The following KMT5A variants were observed in gnomAD, a reference collection of about 807,000 sequenced individuals.
The protein encoded by KMT5A is N-lysine methyltransferase KMT5A.
Under a neutral mutation model 40.6 loss-of-function variants are expected in KMT5A, and 6 were observed. The observed-to-expected ratio is 0.15, with a 90% confidence interval of 0.08 to 0.29. The LOEUF is 0.29. Among genes scored for constraint, KMT5A ranks in the 10% least tolerant of loss-of-function variants. The probability of loss-of-function intolerance (pLI) is 1.00; values close to 1 mark genes in which losing one functional copy is unlikely to be tolerated. For missense variants in KMT5A, 308 were observed against 459.1 expected, an observed-to-expected ratio of 0.67 and a Z score of 3.01; for synonymous variants, 153 against 178.8, an observed-to-expected ratio of 0.86 and a Z score of 1.15.
intron 5 of KMT5A, among the ~76,000 whole-genome samples, chr12:123,396,894 AC>A (rs1425503428): frequency 1.3e-5 from 2 of 152,142 alleles, no homozygotes; most frequent in African/African-American, 2.4e-5. Context: ...CCAGTCACTT[AC>A]CCTGTCCATG....
intron 5 of KMT5A, among the ~76,000 whole-genome samples, chr12:123,400,856 C>G (rs1283869487): frequency 1.3e-5 from 2 of 151,900 alleles, no homozygotes; most frequent in East Asian, 3.9e-4. Context: ...ACTCTGTTGC[C>G]CAGGCTGGAG....
rs1248438639 is a variant in KMT5A at position 123,390,659 on chromosome 12, C to A, written c.162C>A (p.Ile54=). The part of the protein sequence containing the change: ...GENVFTGQSK[I]YSYMSPNKCS... ...ACGTATTTACCGGGCAGTCAAAGAT[C>A]TATTCCTACATGAGCCCGAACAAAT... The change falls in exon 3 of 8, where the codon ATC becomes ATA. Residue 54 remains isoleucine (I), a synonymous_variant. Coordinates refer to ENST00000402868, the MANE Select transcript of KMT5A (RefSeq NM_020382.7). The A allele has an allele frequency of 6.2e-7, 1 of 1,613,944 alleles. No individual in the cohort carries two copies. The highest frequency in any genetic ancestry group is 1.1e-5 in the South Asian group (1 of 91,074).
At position 123,407,964 on chromosome 12, in the gene KMT5A, A is replaced by G. The variant is rs1566084859; in HGVS notation, c.*261A>G. On this transcript the variant is annotated 3_prime_UTR_variant, in exon 8 of 8. Transcript: ENST00000402868. ...TTGTACTTTTTTTGCATACAAGCCG[A>G]ACGTTTGTGCTTCCCGTGCATGCAG... is the stretch of plus-strand genomic sequence containing the variant. The G allele has an allele frequency of 4.5e-6, 2 of 441,646 alleles. No individual in the cohort carries two copies. The highest frequency in any genetic ancestry group is 2.6e-5 in the South Asian group (1 of 38,970). The allele number at this position is 441,646 out of a possible 1,614,324, so 27.4% of individuals were successfully genotyped here. A position where few individuals can be genotyped will look rare whatever the true frequency, so the allele number is the denominator to read the frequency against.
Position 123,396,328 on chromosome 12 carries a change from C to T in KMT5A, c.510-17C>T. 1.2e-6 allele frequency: 2 copies of T among 1,611,620 alleles called. No homozygotes were observed. Among genetic ancestry groups the T allele is most frequent in the Non-Finnish European group, 8.5e-7 (1 of 1,179,346 alleles). On this transcript the variant is annotated splice_polypyrimidine_tract_variant and intron_variant, in intron 4 of 7. Transcript: ENST00000402868. ...TCAGTCCTGATATTTATTTTCTCCT[C>T]TTCCCCTCTTACCCAGAGCTCAAGG...
rs1462202986 is a variant in KMT5A at position 123,391,106 on chromosome 12, G to A, written c.289+320G>A. 1.6e-5 allele frequency: 5 copies of A among 314,710 alleles called. No individual in the cohort carries two copies. The East Asian group carries it at 3.5e-4, about 22-fold the overall frequency. The allele number at this position is 314,710 out of a possible 1,614,324, so 19.5% of individuals were successfully genotyped here. A position where few individuals can be genotyped will look rare whatever the true frequency, so the allele number is the denominator to read the frequency against. On this transcript the variant is annotated intron_variant, in intron 3 of 7. Transcript: ENST00000402868. Reference sequence around the variant, plus strand: ...GAAAGTGCAGAAGTCATGAATTCAGGTTGTACAGACCAGGCAATTGCAGAC... The same window carrying A: ...GAAAGTGCAGAAGTCATGAATTCAGATTGTACAGACCAGGCAATTGCAGAC...
At chr12:123,397,216 A>G (rs1877797176) in intron 5 of KMT5A, among the ~76,000 whole-genome samples, 1 of 152,170 alleles carries the variant, frequency 6.6e-6, no homozygotes, top group Non-Finnish European at 1.5e-5. Flanking sequence ...GGCAGTCAAT[A>G]TTTGCTGCAG....
rs564974814 is a variant in KMT5A, at chr12:123,397,080, G to A, written c.597+648G>A. 5.3e-5 allele frequency among the ~76,000 whole-genome samples: 8 copies of A among 152,348 alleles called. No homozygotes were observed. In the South Asian group the frequency reaches 6.2e-4, roughly 12 times the overall value. ...CTGCTTCCTCAGTGTTGTCACTCCC[G>A]TCTGCTCTTTCCCACGCTGCTGCCA... On this transcript the variant is annotated intron_variant, in intron 5 of 7. Transcript: ENST00000402868.
chr12:123,393,689 A>G (rs1280535124), intron 3 of KMT5A, among the ~76,000 whole-genome samples: 1 of 151,776 alleles, frequency 6.6e-6, no homozygotes, highest in Non-Finnish European at 1.5e-5. Context: ...ATAGGCGCAC[A>G]CCACCACGCC....
chr12:123,397,598 A>G (rs939061999), intron 5 of KMT5A, among the ~76,000 whole-genome samples: 2 of 151,780 alleles, frequency 1.3e-5, no homozygotes, highest in Admixed American at 6.6e-5. Flanking sequence ...GAAAAAGGCA[A>G]TGTCTTTCAG....
At chr12:123,407,457 T>G (rs377097130) in intron 7 of KMT5A, 36 bp from the exon 8 acceptor site, 19 of 1,601,254 alleles carry the variant, frequency 1.2e-5, no homozygotes, top group Non-Finnish European at 1.6e-5. Context: ...AGCCTCTTTA[T>G]CCATTTAATC....
intron 5 of KMT5A, among the ~76,000 whole-genome samples, chr12:123,398,273 C>T (rs1877888610): frequency 1.3e-5 from 2 of 151,190 alleles, no homozygotes; most frequent in African/African-American, 4.9e-5. Flanking sequence ...CTGAGCAAGA[C>T]TCCGTCTCAA....
At chr12:123,390,565 T>C (rs550573271) in intron 2 of KMT5A, 65 bp from the exon 3 acceptor site, 2 of 1,561,902 alleles carry the variant, frequency 1.3e-6, no homozygotes, top group Admixed American at 1.9e-5. Flanking sequence ...GTATTCCTCC[T>C]CCTCGTGAAT....
chr12:123,390,822 T>G (rs758323507), intron 3 of KMT5A, 36 bp downstream of exon 3: 2 of 1,607,732 alleles, frequency 1.2e-6, no homozygotes, highest in South Asian at 1.1e-5. Flanking sequence ...TGATCCCAGC[T>G]GGTCGGGTTG....
At chr12:123,405,475 G>A (rs1878466561) in intron 7 of KMT5A, among the ~76,000 whole-genome samples, 2 of 117,190 alleles carry the variant, frequency 1.7e-5, no homozygotes, top group South Asian at 5.4e-4. Flanking sequence ...TCGGGCTGTT[G>A]TTGCCTTTTT....
At position 123,384,523 on chromosome 12, in the gene KMT5A, C is replaced by G. The variant is rs981336800; in HGVS notation, c.10+315C>G. Reference sequence around the variant, plus strand: ...CTTTGGAAACTAAAGCGCAGGGCACCTCCAGGGAATAGGTGTTATTGATAG... The same window carrying G: ...CTTTGGAAACTAAAGCGCAGGGCACGTCCAGGGAATAGGTGTTATTGATAG... On this transcript the variant is annotated intron_variant, in intron 1 of 7. Coordinates refer to ENST00000402868, the MANE Select transcript of KMT5A (RefSeq NM_020382.7). The surrounding 1 kb of genome is among the most constrained non-coding windows in gnomAD (Gnocchi z 5.7). 3.3e-5 allele frequency among the ~76,000 whole-genome samples: 5 copies of G among 152,280 alleles called. No homozygotes were observed. Among genetic ancestry groups the G allele is most frequent in the Non-Finnish European group, 7.3e-5 (5 of 68,046 alleles).
chr12:123,390,932 A>T lies in KMT5A; in HGVS notation c.289+146A>T, dbSNP rs1041714777. On this transcript the variant is annotated intron_variant, in intron 3 of 7. Transcript: ENST00000402868. ...GAGCCATGTTCTGTCTTGCTGCTGA[A>T]AGAATGGCTTGTCCCAGGGTGTGTG... 12 of 964,994 alleles carry T rather than the reference A, an allele frequency of 1.2e-5. No homozygotes were observed. In the African/African-American group the frequency reaches 2.0e-4, roughly 16 times the overall value. 59.8% of individuals were successfully genotyped at this position (964,994 alleles called of 1,614,324 possible).
intron 3 of KMT5A, among the ~76,000 whole-genome samples, chr12:123,391,933 G>A (rs887846895): frequency 1.3e-5 from 2 of 152,176 alleles, no homozygotes; most frequent in Non-Finnish European, 2.9e-5. Context: ...CTGGTACACA[G>A]GGCAATATTG....
chr12:123,392,873 A>G (rs187855947), intron 3 of KMT5A, among the ~76,000 whole-genome samples: 2 of 151,908 alleles, frequency 1.3e-5, no homozygotes, highest in African/African-American at 4.8e-5. Flanking sequence ...GATGGTTTTA[A>G]TGGTTTTTGT....
intron 7 of KMT5A, among the ~76,000 whole-genome samples, chr12:123,406,593 C>T (rs1878572383): frequency 6.6e-6 from 1 of 152,144 alleles, no homozygotes; most frequent in South Asian, 2.1e-4. Flanking sequence ...GGATTACAGG[C>T]GTGAGCCACC....
Sources: gnomAD v4.1 joint callset for allele counts (sites outside exome capture counted in the v4.1 genomes callset) on GRCh38, gnomAD v4.1.1 for gene constraint, Gnocchi (gnomAD v3.1) non-coding constraint, MANE v1.5 for transcripts, NCBI Gene and HGNC (gene_info 2026-07-23, HGNC 2026-07-21) for gene names.